GRAMD4: variants seen among roughly 807,000 people sequenced by gnomAD.
GRAMD4 encodes GRAM domain containing 4.
GRAMD4 carries 25 observed loss-of-function variants against 83.9 expected under a neutral mutation model. That is an observed-to-expected ratio of 0.30 (90% CI 0.22 to 0.42). GRAMD4 has a LOEUF of 0.42. GRAMD4 is among the 10% of genes least tolerant of loss of function. GRAMD4 has a pLI of 1.00. For synonymous variants in GRAMD4, 336 were observed against 320.9 expected (o/e 1.05, Z -0.50); for missense variants, 593 against 788.7 (o/e 0.75, Z 2.97).
rs955697788 is a variant in GRAMD4 at position 46,620,916 on chromosome 22, C to G, written c.-50+351C>G. On this transcript the variant is annotated intron_variant, in intron 1 of 18. Transcript: ENST00000406902. This position sits in a 1 kb window ranked among gnomAD's most constrained non-coding sequence, Gnocchi z 4.7. ...AGGCCGATCTGAGAGGGAGGGAGGC[C>G]CATCCGAGAGGGAGGAGGCCGATCT... Among the ~76,000 whole-genome samples the G allele has an allele frequency of 1.4e-4, 21 of 151,760 alleles. No homozygotes were observed. Among genetic ancestry groups the G allele is most frequent in the Non-Finnish European group, 3.1e-4 (21 of 67,812 alleles).
intron 1 of GRAMD4, among the ~76,000 whole-genome samples, chr22:46,596,870 A>G (rs949040069): frequency 6.6e-6 from 1 of 152,136 alleles, no homozygotes; most frequent in Non-Finnish European, 1.5e-5. Context: ...CTTTAAAAAT[A>G]GCATTCTTTT....
intron 1 of GRAMD4, among the ~76,000 whole-genome samples, chr22:46,582,441 C>T (rs2081107687): frequency 2.6e-5 from 4 of 152,194 alleles, no homozygotes; most frequent in African/African-American, 9.7e-5. Context: ...GGAGGCCTCC[C>T]ATGAGTGCCC....
chr22:46,665,745 G>T (rs374633039), intron 9 of GRAMD4, 39 bp downstream of exon 9: 14 of 1,045,134 alleles, frequency 1.3e-5, no homozygotes, highest in Non-Finnish European at 2.0e-5. Context: ...TTATCCCACC[G>T]CATGTATGGC....
chr22:46,663,914 G>T, intron 7 of GRAMD4, 51 bp downstream of exon 7: 1 of 1,601,538 alleles, frequency 6.2e-7, no homozygotes, highest in Middle Eastern at 1.7e-4. Context: ...TGTGGGTGGG[G>T]CCCATGGCGG....
chr22:46,585,841 G>C (rs1232029374), intron 1 of GRAMD4, among the ~76,000 whole-genome samples: 3 of 152,208 alleles, frequency 2.0e-5, no homozygotes, highest in African/African-American at 7.2e-5. Flanking sequence ...GATGGCTTGA[G>C]ACCGGCCTCT....
chr22:46,667,200 C>G (rs997790406), intron 10 of GRAMD4, among the ~76,000 whole-genome samples: 6 of 152,154 alleles, frequency 3.9e-5, no homozygotes, highest in African/African-American at 1.4e-4. Flanking sequence ...CACAACCTCC[C>G]CAGGTAGGGT....
Position 46,678,098 on chromosome 22 carries a change from G to A in GRAMD4, c.*847G>A. ...ACACTTTGCTCTTTGGAAGGCCCAG[G>A]AGAACATCCGCGAAGGCTGTTGGAG... On this transcript the variant is annotated 3_prime_UTR_variant, in exon 19 of 19. Coordinates refer to ENST00000406902, the MANE Select transcript of GRAMD4 (RefSeq NM_015124.5). 1.0e-6 allele frequency: 1 copy of A among 985,614 alleles called. No homozygotes were observed. Among genetic ancestry groups the A allele is most frequent in the Non-Finnish European group, 1.2e-6 (1 of 830,038 alleles). The allele number at this position is 985,614 out of a possible 1,614,324, so 61.1% of individuals were successfully genotyped here.
chr22:46,668,194 T>C (rs772187969), intron 11 of GRAMD4, 27 bp downstream of exon 11: 11 of 1,556,878 alleles, frequency 7.1e-6, no homozygotes, highest in African/African-American at 1.4e-5. Flanking sequence ...CGGCCAGGGG[T>C]GTGTCTGCGC....
chr22:46,644,720 T>TTTTTTTTC (rs2082046282), intron 3 of GRAMD4, among the ~76,000 whole-genome samples: 1 of 122,390 alleles, frequency 8.2e-6, no homozygotes, highest in Non-Finnish European at 1.7e-5. Flanking sequence ...TTTTTTTTTT[T>TTTTTTTTC]TTTTTTTTTT....
rs545504110 is a variant in GRAMD4, at chr22:46,637,702, C to G, written c.163-138C>G. The G allele has an allele frequency of 3.6e-6, 3 of 840,696 alleles. No individual in the cohort carries two copies. The East Asian group carries it at 7.9e-5, about 22-fold the overall frequency. The allele number at this position is 840,696 out of a possible 1,614,324, so 52.1% of individuals were successfully genotyped here. A position where few individuals can be genotyped will look rare whatever the true frequency, so the allele number is the denominator to read the frequency against. On this transcript the variant is annotated intron_variant, in intron 2 of 18. Coordinates refer to ENST00000406902, the MANE Select transcript of GRAMD4 (RefSeq NM_015124.5). ...CTGACTGCTGCGTCGTCCCCATGTC[C>G]AGAAACTGCAGCTGCTGGTCCCTTT... is the stretch of plus-strand genomic sequence containing the variant.
In GRAMD4 at chr22:46,621,185, C is replaced by T. The variant is rs1207378268; in HGVS notation, c.-50+620C>T. 6.6e-6 allele frequency among the ~76,000 whole-genome samples: 1 copy of T among 152,054 alleles called. No homozygotes were observed. The highest frequency in any genetic ancestry group is 2.1e-4 in the South Asian group (1 of 4,834). On this transcript the variant is annotated intron_variant, in intron 1 of 18. Coordinates refer to ENST00000406902, the MANE Select transcript of GRAMD4 (RefSeq NM_015124.5). The surrounding 1 kb of genome is among the most constrained non-coding windows in gnomAD (Gnocchi z 5.8). ...AAGGTGCAGGTGAGACGCAGGTGGG[C>T]GGTGTCGGGAGACCCGGGTCTGGCC... is the stretch of plus-strand genomic sequence containing the variant.
At chr22:46,581,020 T>C (rs2147896578) in intron 1 of GRAMD4, among the ~76,000 whole-genome samples, 1 of 151,760 alleles carries the variant, frequency 6.6e-6, no homozygotes, top group East Asian at 1.9e-4. Flanking sequence ...GTTTCCCTAA[T>C]TGGAGAAAGC....
intron 1 of GRAMD4, among the ~76,000 whole-genome samples, chr22:46,603,832 A>G (rs1280508857): frequency 1.3e-5 from 2 of 151,808 alleles, no homozygotes; most frequent in Non-Finnish European, 2.9e-5. Flanking sequence ...CTTCTCTTTT[A>G]TTGTGTTCCT....
intron 13 of GRAMD4, among the ~76,000 whole-genome samples, chr22:46,671,666 T>G (rs1434574382): frequency 1.2e-4 from 1 of 8,050 alleles, no homozygotes; most frequent in Non-Finnish European, 3.6e-4. Flanking sequence ...AAAAATAAAA[T>G]AAAATAAAAT....
At chr22:46,593,327 A>C (rs1317523428) in intron 1 of GRAMD4, among the ~76,000 whole-genome samples, 1 of 151,964 alleles carries the variant, frequency 6.6e-6, no homozygotes, top group East Asian at 1.9e-4. Flanking sequence ...CCCTTGTTGC[A>C]GGCGGTCTTG....
At chr22:46,628,447 T>A in intron 2 of GRAMD4, among the ~76,000 whole-genome samples, 1 of 145,624 alleles carries the variant, frequency 6.9e-6, no homozygotes, top group African/African-American at 2.6e-5. Flanking sequence ...GCGGGTGGAC[T>A]GAGTGTGTGC....
chr22:46,615,905 T>C (rs200331502), upstream of GRAMD4, among the ~76,000 whole-genome samples: 1 of 122,026 alleles, frequency 8.2e-6, no homozygotes. Context: ...CCTGTGCGTG[T>C]AGGTTCCCCC....
rs112315026 is a variant in GRAMD4, at chr22:46,584,844, T to C, written c.-50+7554T>C. ...TTGCTTTGAGACGTGAAAGTGGGGC[T>C]GACTTAGAACGCATCCCAGAGTCCG... On this transcript the variant is annotated intron_variant, in intron 1 of 1. Coordinates refer to the GRAMD4 transcript ENST00000431155. 4.6e-4 allele frequency among the ~76,000 whole-genome samples: 70 copies of C among 152,338 alleles called. 1 individual carries two copies. The highest frequency in any genetic ancestry group is 1.6e-3 in the African/African-American group (68 of 41,586).
intron 17 of GRAMD4, among the ~76,000 whole-genome samples, chr22:46,675,964 G>A (rs1020951015): frequency 6.6e-6 from 1 of 152,248 alleles, no homozygotes; most frequent in African/African-American, 2.4e-5. Flanking sequence ...TTTTACCGTA[G>A]CATGGAATGA....
Sources: gnomAD v4.1 joint callset for allele counts (sites outside exome capture counted in the v4.1 genomes callset) on GRCh38, gnomAD v4.1.1 for gene constraint, Gnocchi (gnomAD v3.1) non-coding constraint, MANE v1.5 for transcripts, NCBI Gene and HGNC (gene_info 2026-07-23, HGNC 2026-07-21) for gene names.